FHIT: variants seen among roughly 807,000 people sequenced by gnomAD.
FHIT encodes the protein fragile histidine triad diadenosine triphosphatase.
In FHIT, 19 loss-of-function variants were observed where a neutral mutation model predicts 17.9. That is an observed-to-expected ratio of 1.06 (90% CI 0.74 to 1.56). The LOEUF (loss-of-function observed/expected upper bound fraction) is 1.56, where lower values mean the gene tolerates loss of function less well. FHIT is among the 40% of genes most tolerant of loss of function. The pLI is 0.00. For synonymous variants in FHIT, 81 were observed against 69.7 expected (o/e 1.16, Z -0.81); for missense variants, 248 against 189.2 (o/e 1.31, Z -1.82).
intron 5 of FHIT, among the ~76,000 whole-genome samples, chr3:60,489,611 A>G (rs2033980595): frequency 6.6e-6 from 1 of 152,172 alleles, no homozygotes; most frequent in Non-Finnish European, 1.5e-5. Context: ...GCTCACTACA[A>G]TACCAATAAG....
At chr3:59,949,139 A>G (rs1706986583) in intron 7 of FHIT, among the ~76,000 whole-genome samples, 1 of 152,232 alleles carries the variant, frequency 6.6e-6, no homozygotes, top group South Asian at 2.1e-4. Context: ...GAACACACAT[A>G]TACCAGAGTT....
intron 3 of FHIT, among the ~76,000 whole-genome samples, chr3:60,968,177 A>G (rs570211741): frequency 3.3e-5 from 5 of 152,354 alleles, no homozygotes; most frequent in African/African-American, 1.2e-4. Flanking sequence ...GGCTGTGGTC[A>G]CTTCAAACTA....
intron 5 of FHIT, among the ~76,000 whole-genome samples, chr3:60,065,526 C>A (rs1702463468): frequency 6.6e-6 from 1 of 152,134 alleles, no homozygotes; most frequent in African/African-American, 2.4e-5. Flanking sequence ...ATAAAAGTAC[C>A]TGAGAAATTC....
intron 3 of FHIT, among the ~76,000 whole-genome samples, chr3:60,851,940 C>T (rs113766813): frequency 6.6e-4 from 101 of 152,176 alleles, no homozygotes; most frequent in Middle Eastern, 3.4e-3. Context: ...ATAAGTGTCA[C>T]GATGATAAAT....
At chr3:59,828,940 T>A (rs561544496) in intron 8 of FHIT, among the ~76,000 whole-genome samples, 1 of 152,026 alleles carries the variant, frequency 6.6e-6, no homozygotes, top group South Asian at 2.1e-4. Context: ...TTGTATTATG[T>A]AAATTTTCCA....
chr3:60,489,031 C>G (rs560531814), intron 5 of FHIT, among the ~76,000 whole-genome samples: 22 of 152,168 alleles, frequency 1.4e-4, no homozygotes, highest in Middle Eastern at 3.4e-3. Flanking sequence ...AGATGATGTC[C>G]AATGAGTTGG....
chr3:60,811,368 A>C (rs1179482273), intron 4 of FHIT, among the ~76,000 whole-genome samples: 1 of 152,206 alleles, frequency 6.6e-6, no homozygotes, highest in East Asian at 1.9e-4. Context: ...GGGTTCTTAG[A>C]GGTCATATGA....
chr3:60,670,823 T>C (rs1553693625), intron 4 of FHIT, among the ~76,000 whole-genome samples: 4 of 152,196 alleles, frequency 2.6e-5, no homozygotes, highest in African/African-American at 9.6e-5. Context: ...GAATTTATAG[T>C]CTTATTCTAA....
intron 3 of FHIT, among the ~76,000 whole-genome samples, chr3:60,903,244 T>C (rs1354311504): frequency 6.6e-6 from 1 of 152,172 alleles, no homozygotes; most frequent in African/African-American, 2.4e-5. Flanking sequence ...AGAACTCCAG[T>C]GCTTATATAA....
At chr3:60,508,238 A>T (rs2034812501) in intron 5 of FHIT, among the ~76,000 whole-genome samples, 1 of 152,328 alleles carries the variant, frequency 6.6e-6, no homozygotes, top group East Asian at 1.9e-4. Flanking sequence ...CAAGATCAGC[A>T]CTGTGAATAC....
At chr3:60,973,709 T>C (rs1338335130) in intron 3 of FHIT, among the ~76,000 whole-genome samples, 3 of 152,182 alleles carry the variant, frequency 2.0e-5, no homozygotes, top group Non-Finnish European at 2.9e-5. Context: ...AAGAAACATG[T>C]AGTAATGGAA....
chr3:60,765,509 A>T (rs1699819906), intron 4 of FHIT: 1 of 152,188 alleles, frequency 6.6e-6, no homozygotes, highest in Admixed American at 6.5e-5. Context: ...AAAAAGGTGA[A>T]TCAAATATAC....
At chr3:60,293,528 A>C (rs1330406631) in intron 5 of FHIT, among the ~76,000 whole-genome samples, 1 of 152,164 alleles carries the variant, frequency 6.6e-6, no homozygotes, top group Non-Finnish European at 1.5e-5. Flanking sequence ...ATGGGGAAGG[A>C]GGTCAGGTAC....
intron 4 of FHIT, among the ~76,000 whole-genome samples, chr3:60,803,038 G>A (rs894785032): frequency 6.6e-6 from 1 of 151,556 alleles, no homozygotes. Context: ...AAATAAATAG[G>A]AGAGTTTCTG....
intron 7 of FHIT, among the ~76,000 whole-genome samples, chr3:60,003,178 C>T (rs1575858778): frequency 6.6e-6 from 1 of 152,082 alleles, no homozygotes; most frequent in African/African-American, 2.4e-5. Flanking sequence ...CCGAAACCCT[C>T]AGGTACAATT....
intron 5 of FHIT, among the ~76,000 whole-genome samples, chr3:60,241,624 A>T (rs1705133808): frequency 6.6e-6 from 1 of 152,106 alleles, no homozygotes; most frequent in Admixed American, 6.6e-5. Context: ...GATAAACGGT[A>T]GAGAAACCAG....
chr3:61,203,027 A>C (rs147186014), intron 1 of FHIT, among the ~76,000 whole-genome samples: 7,913 of 152,010 alleles, frequency 0.052, 296 homozygotes, highest in Non-Finnish European at 0.084. Flanking sequence ...AAAAATACAA[A>C]AAATTAGATG....
intron 4 of FHIT, among the ~76,000 whole-genome samples, chr3:60,633,326 A>G (rs2039496649): frequency 6.6e-6 from 1 of 152,212 alleles, no homozygotes; most frequent in Non-Finnish European, 1.5e-5. Context: ...TATAAGAGGA[A>G]TAATGAAAGC....
intron 4 of FHIT, among the ~76,000 whole-genome samples, chr3:60,624,466 G>A (rs1309797560): frequency 6.6e-6 from 1 of 152,116 alleles, no homozygotes; most frequent in Non-Finnish European, 1.5e-5. Context: ...GCAAAATACA[G>A]GAATCTGAGC....
Sources: gnomAD v4.1 joint callset for allele counts (sites outside exome capture counted in the v4.1 genomes callset) on GRCh38, gnomAD v4.1.1 for gene constraint, MANE v1.5 for transcripts, NCBI Gene and HGNC (gene_info 2026-07-23, HGNC 2026-07-21) for gene names.